Variants in AIDA observed in about 807,000 individuals in gnomAD.
The protein encoded by AIDA is axin interactor, dorsalization associated.
AIDA carries 18 observed loss-of-function variants against 42.7 expected under a neutral mutation model. That is an observed-to-expected ratio of 0.42 (90% confidence interval 0.29 to 0.63). The LOEUF (loss-of-function observed/expected upper bound fraction) is 0.63, where lower values mean the gene tolerates loss of function less well. AIDA is among the 20% of genes least tolerant of loss of function. The probability of loss-of-function intolerance (pLI) is 0.19; values close to 1 mark genes in which losing one functional copy is unlikely to be tolerated. For missense variants in AIDA, 250 were observed against 354.1 expected (o/e 0.71, Z 2.36); for synonymous variants, 104 against 122.9 (o/e 0.85, Z 1.02).
chr1:222,692,943 A>C (rs1213046691), intron 4 of AIDA, among the ~76,000 whole-genome samples: 2 of 152,298 alleles, frequency 1.3e-5, no homozygotes, highest in Non-Finnish European at 2.9e-5. Context: ...CATCAGCAAA[A>C]CAACCAACCT....
chr1:222,677,810 T>C (rs887303149), intron 6 of AIDA, among the ~76,000 whole-genome samples: 12 of 152,198 alleles, frequency 7.9e-5, no homozygotes, highest in African/African-American at 2.9e-4. Context: ...GTCCATGTAT[T>C]GGCTATTTAT....
At chr1:222,690,986 C>T (rs964429090) in intron 4 of AIDA, among the ~76,000 whole-genome samples, 6 of 152,076 alleles carry the variant, frequency 3.9e-5, no homozygotes, top group Non-Finnish European at 8.8e-5. Flanking sequence ...TCAGAAAAAG[C>T]AATAAGCCAA....
At chr1:222,678,909 C>T (rs544961432) in intron 6 of AIDA, among the ~76,000 whole-genome samples, 3 of 152,302 alleles carry the variant, frequency 2.0e-5, no homozygotes, top group African/African-American at 7.2e-5. Context: ...CCACCTCTAA[C>T]CATGATGATG....
chr1:222,692,789 G>A (rs1473273769), intron 4 of AIDA, among the ~76,000 whole-genome samples: 2 of 152,134 alleles, frequency 1.3e-5, no homozygotes, highest in African/African-American at 4.8e-5. Flanking sequence ...TTTATGGAAG[G>A]GAATTTTACA....
chr1:222,691,797 TGGG>T (rs1366284027), intron 4 of AIDA, among the ~76,000 whole-genome samples: 1 of 145,504 alleles, frequency 6.9e-6, no homozygotes, highest in African/African-American at 2.8e-5. Flanking sequence ...AATAATAAAA[TGGG>T]GGAAAAAATC....
At chr1:222,706,921 G>C (rs935965180) in intron 1 of AIDA, among the ~76,000 whole-genome samples, 1 of 149,180 alleles carries the variant, frequency 6.7e-6, no homozygotes, top group East Asian at 2.0e-4. Flanking sequence ...GTCTGGAAAA[G>C]ACAGATCTAT....
At position 222,703,031 on chromosome 1, in the gene AIDA, C is replaced by G. The variant is rs918300227; in HGVS notation, c.180+117G>C. The G allele has an allele frequency of 2.7e-5, 19 of 698,110 alleles. No homozygotes were observed. The African/African-American group carries it at 3.1e-4, about 11-fold the overall frequency. The allele number at this position is 698,110 out of a possible 1,614,324, so 43.2% of individuals were successfully genotyped here. ...AGCATAATCAATATCATTCTTTTTACTTAAGTATAACAGTTTTTTGTTTTT... is the reference window on the plus strand; with the variant it reads ...AGCATAATCAATATCATTCTTTTTAGTTAAGTATAACAGTTTTTTGTTTTT... On this transcript the variant is annotated intron_variant, in intron 2 of 9. Transcript: ENST00000340020.
intron 4 of AIDA, among the ~76,000 whole-genome samples, chr1:222,692,122 G>A (rs1655389014): frequency 6.6e-6 from 1 of 152,110 alleles, no homozygotes; most frequent in South Asian, 2.1e-4. Context: ...TTTAAAAACA[G>A]GATTTACCTT....
At chr1:222,675,380 T>C (rs74962257) in intron 7 of AIDA, among the ~76,000 whole-genome samples, 1,539 of 152,292 alleles carry the variant, frequency 0.01, 31 homozygotes, top group African/African-American at 0.035. Context: ...ATAAAAGAAT[T>C]CAACCAATGT....
intron 4 of AIDA, among the ~76,000 whole-genome samples, chr1:222,689,486 TATA>T (rs1655294689): frequency 3.5e-5 from 1 of 28,806 alleles, no homozygotes; most frequent in African/African-American, 2.4e-4. Flanking sequence ...TGTGTGTATA[TATA>T]TATATATATA....
chr1:222,684,867 T>C (rs1017445816), intron 6 of AIDA, among the ~76,000 whole-genome samples: 1 of 152,208 alleles, frequency 6.6e-6, no homozygotes, highest in Non-Finnish European at 1.5e-5. Context: ...TGCTTCTTGT[T>C]TGCTACAGAA....
At chr1:222,703,420 T>C (rs1204731435) in intron 1 of AIDA, among the ~76,000 whole-genome samples, 1 of 151,954 alleles carries the variant, frequency 6.6e-6, no homozygotes, top group Non-Finnish European at 1.5e-5. Context: ...ATACTTTTCA[T>C]ACCATTTCAC....
intron 2 of AIDA, among the ~76,000 whole-genome samples, chr1:222,698,886 C>A (rs978999554): frequency 6.6e-6 from 1 of 152,052 alleles, no homozygotes; most frequent in African/African-American, 2.4e-5. Flanking sequence ...AGTACAGTGG[C>A]AGGATCTTGG....
At chr1:222,700,532 C>T (rs962886965) in intron 2 of AIDA, among the ~76,000 whole-genome samples, 1 of 151,986 alleles carries the variant, frequency 6.6e-6, no homozygotes. Flanking sequence ...CCCAGATGGG[C>T]GGATCACGAG....
At chr1:222,708,143 T>C (rs2124971481) in intron 1 of AIDA, among the ~76,000 whole-genome samples, 1 of 151,942 alleles carries the variant, frequency 6.6e-6, no homozygotes, top group Non-Finnish European at 1.5e-5. Context: ...ACCCCGTCTC[T>C]ACTAAAAATA....
chr1:222,687,143 T>C (rs1655218363), intron 5 of AIDA, 107 bp from the exon 6 acceptor site: 5 of 1,511,694 alleles, frequency 3.3e-6, no homozygotes, highest in Non-Finnish European at 4.4e-6. Flanking sequence ...AAAAAAATGC[T>C]GATAGGCCGG....
At chr1:222,702,521 A>G (rs1655737147) in intron 2 of AIDA, among the ~76,000 whole-genome samples, 1 of 152,202 alleles carries the variant, frequency 6.6e-6, no homozygotes, top group Non-Finnish European at 1.5e-5. Context: ...AACAGTTTAG[A>G]AACTCAACTT....
chr1:222,691,016 G>A (rs1655355383), intron 4 of AIDA, among the ~76,000 whole-genome samples: 1 of 152,192 alleles, frequency 6.6e-6, no homozygotes, highest in Non-Finnish European at 1.5e-5. Context: ...ATGTAACTGT[G>A]ATTAGTGTTA....
intron 6 of AIDA, among the ~76,000 whole-genome samples, chr1:222,678,197 TGG>T: frequency 2.2e-5 from 2 of 90,306 alleles, no homozygotes; most frequent in Non-Finnish European, 4.4e-5. Flanking sequence ...TTGTATATCT[TGG>T]GGTGTGTGTG....
Sources: allele counts gnomAD v4.1 joint callset (sites outside exome capture counted in the v4.1 genomes callset), GRCh38; gene constraint gnomAD v4.1.1; transcripts MANE v1.5; gene names NCBI Gene and HGNC (gene_info 2026-07-23, HGNC 2026-07-21).